WWOX: variants seen among roughly 807,000 people sequenced by gnomAD.
The protein encoded by WWOX is WW domain-containing oxidoreductase.
In WWOX, 69 loss-of-function variants were observed where a neutral mutation model predicts 46.2. The ratio of observed to expected loss-of-function variants is 1.49; its 90% CI spans 1.23 to 1.82. The LOEUF is 1.82. WWOX is among the 40% of genes most tolerant of loss of function. The probability of loss-of-function intolerance (pLI) is 0.00; values close to 1 mark genes in which losing one functional copy is unlikely to be tolerated. For missense variants in WWOX, 919 were observed against 542.6 expected (o/e 1.69, Z -6.89); for synonymous variants, 359 against 202.6 (o/e 1.77, Z -6.56).
intron 8 of WWOX, among the ~76,000 whole-genome samples, chr16:78,596,648 G>A (rs2045498111): frequency 6.6e-6 from 1 of 152,178 alleles, no homozygotes; most frequent in Non-Finnish European, 1.5e-5. Context: ...CCATTTGTGG[G>A]GAGAACACGG....
At chr16:78,887,204 C>A (rs1442680682) in intron 8 of WWOX, among the ~76,000 whole-genome samples, 1 of 150,220 alleles carries the variant, frequency 6.7e-6, no homozygotes, top group African/African-American at 2.5e-5. Context: ...GACTGTATGT[C>A]AAAAAAGAGT....
At chr16:78,444,186 G>A (rs1055758939) in intron 8 of WWOX, among the ~76,000 whole-genome samples, 1 of 152,044 alleles carries the variant, frequency 6.6e-6, no homozygotes, top group African/African-American at 2.4e-5. Flanking sequence ...GCTCCGTGCC[G>A]GGCTCTGTGG....
intron 8 of WWOX, among the ~76,000 whole-genome samples, chr16:79,168,060 T>G (rs926553917): frequency 6.6e-6 from 1 of 152,222 alleles, no homozygotes; most frequent in Admixed American, 6.5e-5. Context: ...GTGTCAGTAC[T>G]TTATTCTTTT....
At chr16:78,321,393 CGTATATATACGTATATATATATGTGT>C (rs1567499434) in intron 5 of WWOX, among the ~76,000 whole-genome samples, 3 of 73,034 alleles carry the variant, frequency 4.1e-5, no homozygotes, top group Non-Finnish European at 7.0e-5. Flanking sequence ...TATATATATA[CGTATATATACGTATATATATATGTGT>C]GTATATATAT....
At chr16:78,848,395 A>G (rs1017210211) in intron 8 of WWOX, among the ~76,000 whole-genome samples, 2 of 152,174 alleles carry the variant, frequency 1.3e-5, no homozygotes, top group Admixed American at 6.5e-5. Context: ...TGGCTTTTGG[A>G]CTAGACCAGC....
chr16:78,721,971 T>G (rs1409829505), intron 8 of WWOX, among the ~76,000 whole-genome samples: 12 of 152,254 alleles, frequency 7.9e-5, no homozygotes, highest in Admixed American at 2.0e-4. Flanking sequence ...TAAGCAGCCA[T>G]GTATGTAAAG....
rs557148441 is a variant in WWOX at position 78,837,979 on chromosome 16, A to G, written c.1057-373629A>G. On this transcript the variant is annotated intron_variant, in intron 8 of 8. Transcript: ENST00000566780. ...AGTAAATTTACTTTGTGTTGTTCCA[A>G]AGGTTTCTCCAAAGGTCTTTGCACC... is the stretch of plus-strand genomic sequence containing the variant. Among the ~76,000 whole-genome samples, 209 of 152,280 alleles carry G rather than the reference A, an allele frequency of 1.4e-3. 1 individual carries two copies. Among genetic ancestry groups the G allele is most frequent in the African/African-American group, 4.7e-3 (196 of 41,564 alleles).
chr16:79,211,576 ATTTTT>A, intron 8 of WWOX, 27 bp from the exon 9 acceptor site: 1 of 1,607,964 alleles, frequency 6.2e-7, no homozygotes, highest in Non-Finnish European at 8.5e-7. Context: ...TTTTCTTAAA[ATTTTT>A]TTTTGTCTTT....
chr16:78,377,711 G>A (rs1043739700), intron 5 of WWOX, among the ~76,000 whole-genome samples: 2 of 152,118 alleles, frequency 1.3e-5, no homozygotes, highest in Admixed American at 1.3e-4. Flanking sequence ...ATTAGTTTCT[G>A]GCAGGATAAG....
chr16:78,408,268 C>G (rs2082596794), intron 6 of WWOX, among the ~76,000 whole-genome samples: 1 of 152,220 alleles, frequency 6.6e-6, no homozygotes, highest in African/African-American at 2.4e-5. Flanking sequence ...GTTTCCTATG[C>G]TGTCATGCCC....
At chr16:78,595,665 G>A (rs552489296) in intron 8 of WWOX, among the ~76,000 whole-genome samples, 2 of 152,218 alleles carry the variant, frequency 1.3e-5, no homozygotes, top group African/African-American at 4.8e-5. Flanking sequence ...CATACTCAGA[G>A]TGGCCCTAGG....
chr16:78,817,808 G>C (rs1013512808), intron 8 of WWOX, among the ~76,000 whole-genome samples: 1 of 152,122 alleles, frequency 6.6e-6, no homozygotes, highest in African/African-American at 2.4e-5. Flanking sequence ...AGAGTTCCAA[G>C]GCAGTCCAGT....
chr16:79,184,312 A>G (rs965823127), intron 8 of WWOX, among the ~76,000 whole-genome samples: 11 of 152,214 alleles, frequency 7.2e-5, no homozygotes, highest in Admixed American at 2.6e-4. Flanking sequence ...CCATTCATTT[A>G]TTCAACAAAT....
intron 8 of WWOX, among the ~76,000 whole-genome samples, chr16:78,640,614 C>T (rs1056446211): frequency 6.6e-6 from 1 of 152,136 alleles, no homozygotes; most frequent in Non-Finnish European, 1.5e-5. Context: ...ACACATCCTG[C>T]ACATTGTACC....
intron 5 of WWOX, among the ~76,000 whole-genome samples, chr16:78,353,282 T>A (rs1215864289): frequency 6.6e-6 from 1 of 152,158 alleles, no homozygotes; most frequent in Non-Finnish European, 1.5e-5. Flanking sequence ...GATGAGGCTA[T>A]TAGGATTAAG....
chr16:78,742,860 G>T (rs147483869), intron 8 of WWOX, among the ~76,000 whole-genome samples: 1 of 152,182 alleles, frequency 6.6e-6, no homozygotes, highest in African/African-American at 2.4e-5. Flanking sequence ...CATGGTCAGA[G>T]CCGGGGGCTT....
chr16:78,390,496 C>T (rs978419661), intron 6 of WWOX, among the ~76,000 whole-genome samples: 1 of 152,180 alleles, frequency 6.6e-6, no homozygotes, highest in Non-Finnish European at 1.5e-5. Context: ...ATAGAGACCT[C>T]TGTAGCACAA....
At chr16:79,052,031 T>TA (rs1355444460) in intron 8 of WWOX, among the ~76,000 whole-genome samples, 1 of 115,820 alleles carries the variant, frequency 8.6e-6, no homozygotes, top group Non-Finnish European at 1.8e-5. Flanking sequence ...TTTCTTTTTT[T>TA]ATTTTAATTT....
Position 79,162,987 on chromosome 16 carries a change from T to C in WWOX, c.1057-48621T>C, listed in dbSNP as rs1014654514. Among the ~76,000 whole-genome samples, 4 of 152,246 alleles carry C rather than the reference T, an allele frequency of 2.6e-5. No homozygotes were observed. The East Asian group carries it at 5.8e-4, about 22-fold the overall frequency. Reference sequence around the variant, plus strand: ...AAGTCCTTATGGATAGATTTAGTTATTGCTTATGGTTTAGAGAAAGCGCCT... The same window carrying C: ...AAGTCCTTATGGATAGATTTAGTTACTGCTTATGGTTTAGAGAAAGCGCCT... On this transcript the variant is annotated intron_variant, in intron 8 of 8. Transcript: ENST00000566780.
Sources: gnomAD v4.1 joint callset for allele counts (sites outside exome capture counted in the v4.1 genomes callset) on GRCh38, gnomAD v4.1.1 for gene constraint, MANE v1.5 for transcripts, NCBI Gene and HGNC (gene_info 2026-07-23, HGNC 2026-07-21) for gene names.